The following SGCZ variants were observed in gnomAD, a reference collection of about 807,000 sequenced individuals.
The protein encoded by SGCZ is zeta-sarcoglycan.
Under a neutral mutation model 41.3 loss-of-function variants are expected in SGCZ, and 40 were observed. That is an observed-to-expected ratio of 0.97 (90% CI 0.75 to 1.26). The LOEUF (loss-of-function observed/expected upper bound fraction) is 1.26, where lower values mean the gene tolerates loss of function less well. Ranked by LOEUF, SGCZ falls within the 50% of genes most tolerant of loss-of-function variation. The pLI is 0.00. For synonymous variants in SGCZ, 206 were observed against 137.5 expected (o/e 1.50, Z -3.49); for missense variants, 552 against 369.8 (o/e 1.49, Z -4.04).
intron 1 of SGCZ, among the ~76,000 whole-genome samples, chr8:15,202,515 G>A (rs1395233193): frequency 6.6e-6 from 1 of 151,978 alleles, no homozygotes; most frequent in Non-Finnish European, 1.5e-5. Context: ...TTGGGAGGTG[G>A]GTGAGGGATA....
chr8:14,413,908 T>A (rs1452282596), intron 2 of SGCZ, among the ~76,000 whole-genome samples: 1 of 152,014 alleles, frequency 6.6e-6, no homozygotes, highest in Non-Finnish European at 1.5e-5. Flanking sequence ...AAGTTTACAA[T>A]AAAAGGGTGT....
intron 1 of SGCZ, among the ~76,000 whole-genome samples, chr8:15,002,301 T>G (rs541343254): frequency 1.3e-5 from 2 of 152,100 alleles, no homozygotes; most frequent in South Asian, 2.1e-4. Flanking sequence ...ATTCCTAAAA[T>G]TAATACTTTA....
intron 1 of SGCZ, among the ~76,000 whole-genome samples, chr8:14,565,573 C>T (rs1010656112): frequency 6.6e-6 from 1 of 152,008 alleles, no homozygotes; most frequent in Admixed American, 6.6e-5. Context: ...GCTGCATGTT[C>T]ACAGCAGGGG....
chr8:14,557,183 T>A (rs927369366), intron 1 of SGCZ, among the ~76,000 whole-genome samples: 1 of 152,000 alleles, frequency 6.6e-6, no homozygotes, highest in Non-Finnish European at 1.5e-5. Flanking sequence ...CATGATCATT[T>A]GTGATGTTAA....
intron 1 of SGCZ, among the ~76,000 whole-genome samples, chr8:14,732,084 G>T (rs956736979): frequency 1.1e-4 from 17 of 152,172 alleles, no homozygotes; most frequent in African/African-American, 3.9e-4. Context: ...TGCTTCTGAA[G>T]TTAGCCTTAA....
At chr8:14,312,382 G>A (rs918778781) in intron 3 of SGCZ, among the ~76,000 whole-genome samples, 3 of 152,152 alleles carry the variant, frequency 2.0e-5, no homozygotes, top group African/African-American at 7.2e-5. Flanking sequence ...ATTCTATATA[G>A]CAGTAGTCAG....
chr8:14,979,320 G>C (rs1468194553), intron 1 of SGCZ, among the ~76,000 whole-genome samples: 1 of 152,030 alleles, frequency 6.6e-6, no homozygotes, highest in African/African-American at 2.4e-5. Flanking sequence ...AGATGTTTTT[G>C]GAATTGCTAA....
intron 1 of SGCZ, among the ~76,000 whole-genome samples, chr8:15,158,404 A>T (rs1273041495): frequency 6.6e-6 from 1 of 152,212 alleles, no homozygotes; most frequent in Non-Finnish European, 1.5e-5. Flanking sequence ...TTTTATGTGC[A>T]TATAGCAATA....
intron 1 of SGCZ, among the ~76,000 whole-genome samples, chr8:14,762,825 G>C (rs571350012): frequency 4.6e-5 from 7 of 152,306 alleles, no homozygotes; most frequent in Admixed American, 3.9e-4. Flanking sequence ...TTTGCAAAGA[G>C]ATATCTCTGT....
At chr8:14,904,312 T>C (rs920394481) in intron 1 of SGCZ, among the ~76,000 whole-genome samples, 2 of 152,058 alleles carry the variant, frequency 1.3e-5, no homozygotes, top group Admixed American at 6.6e-5. Flanking sequence ...ACAGAAAGGA[T>C]AGCATAATGT....
intron 2 of SGCZ, among the ~76,000 whole-genome samples, chr8:14,551,753 G>C (rs953074669): frequency 1.7e-5 from 2 of 114,578 alleles, no homozygotes; most frequent in African/African-American, 7.7e-5. Context: ...TTCCTTTTTT[G>C]GTTTTCTACA....
chr8:15,207,896 C>A (rs10097254), intron 1 of SGCZ, among the ~76,000 whole-genome samples: 118,775 of 152,058 alleles, frequency 0.78, 46,842 homozygotes, highest in Non-Finnish European at 0.83. Flanking sequence ...TGGGTAGTTT[C>A]TCAATTTTAA....
chr8:14,412,605 A>G (rs6990241), intron 2 of SGCZ, among the ~76,000 whole-genome samples: 68,775 of 151,872 alleles, frequency 0.45, 16,945 homozygotes, highest in African/African-American at 0.66. Flanking sequence ...ACAACAGCGA[A>G]CATCTTAATG....
At chr8:14,178,261 T>G (rs4831278) in intron 4 of SGCZ, among the ~76,000 whole-genome samples, 12,274 of 152,184 alleles carry the variant, frequency 0.081, 578 homozygotes, top group Middle Eastern at 0.14. Flanking sequence ...GCTGATTTTG[T>G]TTTTCTTATA....
chr8:14,582,145 T>C (rs1056568812), intron 1 of SGCZ, among the ~76,000 whole-genome samples: 1 of 152,168 alleles, frequency 6.6e-6, no homozygotes, highest in African/African-American at 2.4e-5. Flanking sequence ...ATTTTATTTC[T>C]CTAATTATGT....
intron 2 of SGCZ, among the ~76,000 whole-genome samples, chr8:14,543,198 T>C (rs1473667388): frequency 6.6e-6 from 1 of 152,086 alleles, no homozygotes; most frequent in Non-Finnish European, 1.5e-5. Flanking sequence ...TACTTCAGAA[T>C]GCTTTGGTTT....
At chr8:15,029,262 A>G (rs1003750988) in intron 1 of SGCZ, among the ~76,000 whole-genome samples, 3 of 152,126 alleles carry the variant, frequency 2.0e-5, no homozygotes, top group Non-Finnish European at 4.4e-5. Context: ...GGAAAATTGA[A>G]GTTGAAAGCA....
chr8:14,836,629 G>T (rs969423437), intron 1 of SGCZ, among the ~76,000 whole-genome samples: 2 of 152,142 alleles, frequency 1.3e-5, no homozygotes, highest in African/African-American at 4.8e-5. Flanking sequence ...CACCCAAACA[G>T]CTGGGATCGC....
intron 1 of SGCZ, among the ~76,000 whole-genome samples, chr8:14,962,103 G>A (rs1800984483): frequency 6.6e-6 from 1 of 152,112 alleles, no homozygotes; most frequent in African/African-American, 2.4e-5. Flanking sequence ...AAAAAGGAAA[G>A]AAGTTTTGTC....
Sources: gnomAD v4.1 joint callset for allele counts (sites outside exome capture counted in the v4.1 genomes callset) on GRCh38, gnomAD v4.1.1 for gene constraint, MANE v1.5 for transcripts, NCBI Gene and HGNC (gene_info 2026-07-23, HGNC 2026-07-21) for gene names.